The following EIF3L variants were observed in gnomAD, a reference collection of about 807,000 sequenced individuals.
EIF3L encodes the protein eIEF associated protein HSPC021.
EIF3L carries 32 observed loss-of-function variants against 74.6 expected under a neutral mutation model. The ratio of observed to expected loss-of-function variants is 0.43; its 90% confidence interval spans 0.32 to 0.58. EIF3L has a LOEUF of 0.58. Ranked by LOEUF, EIF3L falls within the 20% of genes least tolerant of loss-of-function variation. The pLI is 0.06. For synonymous variants in EIF3L, 256 were observed against 254.4 expected (o/e 1.01, Z -0.06); for missense variants, 474 against 707.8 (o/e 0.67, Z 3.75).
chr22:37,883,829 G>A (rs577456549), intron 11 of EIF3L: 66 of 152,188 alleles, frequency 4.3e-4, no homozygotes, highest in African/African-American at 1.1e-3. Context: ...CACAAGAATC[G>A]CTTTAGCCTA....
At position 37,873,722 on chromosome 22, in the gene EIF3L, TCAAAAAACAAACAAACAAA is replaced by T. The variant is rs1426084139; in HGVS notation, c.752-637_752-619del. On this transcript the variant is annotated intron_variant, in intron 8 of 12. Transcript: ENST00000652021. ...AGTAGCACTTCCATAGATCTCAGTC[TCAAAAAACAAACAAACAAA>T]CAAAAAACAACTGATACAACAATCT... Among the ~76,000 whole-genome samples, 7 of 152,184 alleles carry T rather than the reference TCAAAAAACAAACAAACAAA, an allele frequency of 4.6e-5. No individual in the cohort carries two copies. The East Asian group carries it at 1.4e-3, about 29-fold the overall frequency.
chr22:37,850,482 G>A (rs1178025349), intron 2 of EIF3L: 2 of 213,308 alleles, frequency 9.4e-6, no homozygotes, highest in South Asian at 4.9e-5. Flanking sequence ...GATTACAGGC[G>A]CCCACCACCA....
rs1280146117 is a variant in EIF3L at position 37,858,753 on chromosome 22, G to A, written c.435+13G>A. The A allele has an allele frequency of 6.3e-7, 1 of 1,591,352 alleles. No homozygotes were observed. The highest frequency in any genetic ancestry group is 8.5e-7 in the Non-Finnish European group (1 of 1,173,548). The stretch of plus-strand genomic sequence containing the variant: ...TGCCAAAGTCAGTGTAAGTATTTAA[G>A]TGTCGCAGTTTTTTTTTTGTTTTTG... On this transcript the variant is annotated intron_variant, in intron 5 of 12. Coordinates refer to ENST00000652021, the MANE Select transcript of EIF3L (RefSeq NM_016091.4).
Position 37,877,990 on chromosome 22 carries a change from A to G in EIF3L, c.1394A>G (p.Lys465Arg), listed in dbSNP as rs757960234. ...CTTTCAACCATCCGCAGCTTCCTGAAGCTCTACACCACCATGCCTGTGGCC... is the reference window on the plus strand; with the variant it reads ...CTTTCAACCATCCGCAGCTTCCTGAGGCTCTACACCACCATGCCTGTGGCC... ...AQLSTIRSFL[K>R]LYTTMPVAKL... is the part of the protein sequence containing the mutation. The change falls in exon 11 of 13, where the codon AAG (lysine) becomes AGG (arginine). Residue 465 changes from lysine (K) to arginine (R), a missense_variant. Around this residue, in one of 4 missense-constraint regions of EIF3L, gnomAD observed 293 missense variants for 469.1 expected, o/e 0.62. Transcript: ENST00000652021. The G allele has an allele frequency of 1.2e-4, 188 of 1,612,994 alleles. No individual in the cohort carries two copies. The highest frequency in any genetic ancestry group is 3.1e-5 in the Non-Finnish European group (36 of 1,179,890).
intron 11 of EIF3L, chr22:37,878,577 C>G (rs1484205551): frequency 6.3e-6 from 1 of 159,574 alleles, no homozygotes; most frequent in Non-Finnish European, 1.4e-5. Context: ...CATTCTCCTG[C>G]CTCAGCCTCC....
In EIF3L at chr22:37,849,712, A is replaced by G. The variant is rs1359777129; in HGVS notation, c.33+230A>G. On this transcript the variant is annotated intron_variant, in intron 1 of 12. Coordinates refer to ENST00000652021, the MANE Select transcript of EIF3L (RefSeq NM_016091.4). ...TTCCCCTTTCTAAGACCGGAGACTA[A>G]GGCCTGTTAGACGTTTCTGTGTTTC... 3 of 607,194 alleles carry G rather than the reference A, an allele frequency of 4.9e-6. No individual in the cohort carries two copies. In the Admixed American group the frequency reaches 9.4e-5, roughly 19 times the overall value. 37.6% of individuals were successfully genotyped at this position (607,194 alleles called of 1,614,324 possible). A position where few individuals can be genotyped will look rare whatever the true frequency, so the allele number is the denominator to read the frequency against.
intron 7 of EIF3L, among the ~76,000 whole-genome samples, chr22:37,868,633 G>GTTTTTTTTTTTTTTTTTTTTTTTTT (rs750362692): frequency 3.6e-5 from 1 of 27,666 alleles, no homozygotes; most frequent in Non-Finnish European, 6.4e-5. Flanking sequence ...TTGTTTTGGT[G>GTTTTTTTTTTTTTTTTTTTTTTTTT]CTTTTTTTTT....
At chr22:37,859,444 C>A (rs531413945) in intron 5 of EIF3L, among the ~76,000 whole-genome samples, 3 of 132,814 alleles carry the variant, frequency 2.3e-5, no homozygotes, top group Non-Finnish European at 4.6e-5. Context: ...TACAGTGGCG[C>A]GATCTCAGCT....
At chr22:37,857,998 CCTT>C (rs1418765832) in intron 4 of EIF3L, among the ~76,000 whole-genome samples, 3 of 151,794 alleles carry the variant, frequency 2.0e-5, no homozygotes, top group Non-Finnish European at 4.4e-5. Context: ...AGGGAGACCC[CCTT>C]CTCTACAAAA....
intron 3 of EIF3L, among the ~76,000 whole-genome samples, chr22:37,854,497 C>T (rs915401038): frequency 1.2e-4 from 19 of 152,136 alleles, no homozygotes; most frequent in African/African-American, 3.6e-4. Flanking sequence ...GACAGGATTT[C>T]GCTCTTGTTG....
At chr22:37,887,999 TC>T (rs1927408809) in intron 12 of EIF3L, 1 of 162,142 alleles carries the variant, frequency 6.2e-6, no homozygotes, top group Non-Finnish European at 1.3e-5. Flanking sequence ...GTCAGGCTCT[TC>T]CTGCAGGATC....
At chr22:37,871,677 G>A (rs1412099446) in intron 8 of EIF3L, among the ~76,000 whole-genome samples, 1 of 151,936 alleles carries the variant, frequency 6.6e-6, no homozygotes, top group Non-Finnish European at 1.5e-5. Flanking sequence ...AGACCATCCT[G>A]GCCAACATGG....
In EIF3L at chr22:37,886,747, C is replaced by T; in HGVS notation, c.1576-18C>T. 1.2e-6 allele frequency: 2 copies of T among 1,603,014 alleles called. No homozygotes were observed. Among genetic ancestry groups the T allele is most frequent in the Non-Finnish European group, 1.7e-6 (2 of 1,172,834 alleles). ...CCTCCACCTGGCTGCTCTTCCCTGA[C>T]TGTGCTTTCCCCCACAGGACATGAT... On this transcript the variant is annotated intron_variant, in intron 11 of 12. Transcript: ENST00000652021.
intron 8 of EIF3L, 61 bp from the exon 9 acceptor site, chr22:37,874,309 G>C (rs1264120469): frequency 6.4e-7 from 1 of 1,559,890 alleles, no homozygotes; most frequent in African/African-American, 1.4e-5. Flanking sequence ...AACATTCAGA[G>C]GTCAGGTGTG....
Position 37,864,080 on chromosome 22 carries a change from GAGTC to G in EIF3L, c.579+738_579+741del, listed in dbSNP as rs1926014204. The stretch of plus-strand genomic sequence containing the variant: ...CTCCATCTCAAAAAAAAAAAAGAAA[GAGTC>G]AGGGTCTCACTCTGTTGCTCAGGCT... On this transcript the variant is annotated intron_variant, in intron 7 of 12. Coordinates refer to ENST00000652021, the MANE Select transcript of EIF3L (RefSeq NM_016091.4). Among the ~76,000 whole-genome samples the G allele has an allele frequency of 2.0e-5, 3 of 151,854 alleles. No individual in the cohort carries two copies. The South Asian group carries it at 6.2e-4, about 32-fold the overall frequency.
At chr22:37,864,969 G>T (rs1045885311) in intron 7 of EIF3L, among the ~76,000 whole-genome samples, 3 of 152,304 alleles carry the variant, frequency 2.0e-5, no homozygotes, top group Non-Finnish European at 2.9e-5. Flanking sequence ...AGAGTGTTTA[G>T]CATAGTGCCT....
chr22:37,878,436 A>C (rs1227883062), intron 11 of EIF3L: 5 of 266,564 alleles, frequency 1.9e-5, no homozygotes, highest in South Asian at 2.3e-4. Flanking sequence ...AAAAAAAAAA[A>C]CACAAGAGAT....
chr22:37,884,901 CTTTTTTTTTTTTTTTTTT>C (rs10605799), intron 11 of EIF3L: 2 of 36,030 alleles, frequency 5.6e-5, no homozygotes, highest in South Asian at 3.7e-3. Context: ...CATGTCAAGC[CTTTTTTTTTTTTTTTTTT>C]TTTTTTTTTT....
intron 4 of EIF3L, among the ~76,000 whole-genome samples, chr22:37,858,341 T>C (rs773948250): frequency 2.1e-5 from 3 of 144,156 alleles, no homozygotes; most frequent in Non-Finnish European, 4.5e-5. Context: ...CCTCCCACCT[T>C]AGCCTGCCGA....
Sources: gnomAD v4.1 joint callset for allele counts (sites outside exome capture counted in the v4.1 genomes callset) on GRCh38, gnomAD v4.1.1 for gene constraint, gnomAD v4.1.1 regional missense constraint, MANE v1.5 for transcripts, NCBI Gene and HGNC (gene_info 2026-07-23, HGNC 2026-07-21) for gene names.